The following EOLA2 variants were observed in gnomAD, a reference collection of about 807,000 sequenced individuals.
The protein encoded by EOLA2 is endothelium and lymphocyte associated ASCH domain 2.
Under a neutral mutation model 4.1 loss-of-function variants are expected in EOLA2, and 3 were observed. That is an observed-to-expected ratio of 0.73 (90% CI 0.33 to 1.89). EOLA2 has a LOEUF of 1.89. Ranked by LOEUF, EOLA2 falls within the 40% of genes most tolerant of loss-of-function variation. The pLI, the probability that EOLA2 is intolerant of heterozygous loss-of-function variation, is 0.08. For synonymous variants in EOLA2, 52 were observed against 51.7 expected, an observed-to-expected ratio of 1.01 and a Z score of -0.03; for missense variants, 109 against 126.4, an observed-to-expected ratio of 0.86 and a Z score of 0.66.
intron 2 of EOLA2, chrX:149,934,418 G>C: frequency 1.3e-6 from 1 of 742,113 alleles, no homozygotes. Context: ...CCACATCGTT[G>C]ATATCCAATC....
chrX:149,937,369 C>G, intron 2 of EOLA2, 64 bp downstream of exon 2: 1 of 352,400 alleles, frequency 2.8e-6, no homozygotes. Context: ...CTAGTAGGAA[C>G]TGATGTAACT....
chrX:149,935,044 C>T (rs1261050811), intron 2 of EOLA2, among the ~76,000 whole-genome samples: 12 of 111,976 alleles, frequency 1.1e-4, no homozygotes, highest in Non-Finnish European at 2.1e-4. Flanking sequence ...CGCCCCCTGG[C>T]CCTGAACTCC....
rs1557374730 is a variant in EOLA2, at chrX:149,932,708, C to T, written c.313G>A (p.Val105Met). 8.3e-7 allele frequency: 1 copy of T among 1,207,955 alleles called. No homozygotes were observed. The highest frequency in any genetic ancestry group is 1.8e-5 in the South Asian group (1 of 56,729). Residue 105 changes from valine to methionine, a missense_variant, in exon 5 of 5, where the codon GTG becomes ATG. Val to Met is a conservative substitution (Grantham distance 21). Transcript: ENST00000370406. ...CPEDLTPDEV[V>M]ELENQAALTN... The stretch of plus-strand genomic sequence containing the variant: ...AGTGCAGCTTGATTTTCTAGTTCCA[C>T]AACCTCATCGGGAGTTAAGTCTTCG...
Position 149,932,443 on chromosome X carries a change from T to A in EOLA2, c.*101A>T. 8.5e-7 allele frequency: 1 copy of A among 1,170,946 alleles called. No individual in the cohort carries two copies. The highest frequency in any genetic ancestry group is 2.0e-5 in the South Asian group (1 of 50,634). On this transcript the variant is annotated 3_prime_UTR_variant, in exon 5 of 5. Coordinates refer to ENST00000370406, the MANE Select transcript of EOLA2 (RefSeq NM_001013845.2). Reference sequence around the variant, plus strand: ...GACTCTCCAAAGCAGTGGAAATTCATCTTTAACCTAATTTATACAGGTCTG... The same window carrying A: ...GACTCTCCAAAGCAGTGGAAATTCAACTTTAACCTAATTTATACAGGTCTG...
rs1284389648 is a variant in EOLA2 at position 149,938,206 on chromosome X, C to A, written c.-224G>T. 8.8e-6 allele frequency: 1 copy of A among 113,295 alleles called. No individual in the cohort carries two copies. The highest frequency in any genetic ancestry group is 1.9e-5 in the Non-Finnish European group (1 of 53,378). 9.3% of individuals were successfully genotyped at this position (113,295 alleles called of 1,213,427 possible). A position where few individuals can be genotyped will look rare whatever the true frequency, so the allele number is the denominator to read the frequency against. On this transcript the variant is annotated 5_prime_UTR_variant, in exon 1 of 5. Transcript: ENST00000370406. The stretch of plus-strand genomic sequence containing the variant: ...GGGCCCTGGTACCTTTCAGCCGCGG[C>A]CGGTCTCACGGCCTCTGGACCCTGA...
chrX:149,935,933 C>G lies in EOLA2; in HGVS notation c.-163+1500G>C, dbSNP rs1214433359. Among the ~76,000 whole-genome samples the G allele has an allele frequency of 2.8e-5, 3 of 107,316 alleles. No individual in the cohort carries two copies. The Admixed American group carries it at 3.0e-4, about 11-fold the overall frequency. 93.2% of individuals were successfully genotyped at this position (107,316 alleles called of 115,157 possible). A position where few individuals can be genotyped will look rare whatever the true frequency, so the allele number is the denominator to read the frequency against. On this transcript the variant is annotated intron_variant, in intron 2 of 4. Transcript: ENST00000370406. Reference sequence around the variant, plus strand: ...ACTGAATCTGATCCCTTTCCATAATCTCTATGGCCACAATCCCAATCCAAT... The same window carrying G: ...ACTGAATCTGATCCCTTTCCATAATGTCTATGGCCACAATCCCAATCCAAT...
At chrX:149,929,974 C>T (rs782267218), downstream of EOLA2, 36 of 1,088,245 alleles carry the variant, frequency 3.3e-5, 1 homozygote, top group Middle Eastern at 7.5e-4. Flanking sequence ...CCGTGATCAT[C>T]GACAAGGATC....
rs1557376417 is a variant in EOLA2, at chrX:149,937,447, G to A, written c.-177C>T. 1.4e-6 allele frequency: 1 copy of A among 723,864 alleles called. No individual in the cohort carries two copies. The highest frequency in any genetic ancestry group is 2.3e-5 in the African/African-American group (1 of 42,738). 59.7% of individuals were successfully genotyped at this position (723,864 alleles called of 1,213,427 possible). A position where few individuals can be genotyped will look rare whatever the true frequency, so the allele number is the denominator to read the frequency against. On this transcript the variant is annotated 5_prime_UTR_variant, in exon 2 of 5. Coordinates refer to ENST00000370406, the MANE Select transcript of EOLA2 (RefSeq NM_001013845.2). The stretch of plus-strand genomic sequence containing the variant: ...GCAGAGAGTACCTGCTTTACGGCCA[G>A]AGGAGGAAACACTCTTCCACTTGGT...
chrX:149,937,337 C>G (rs1446716186), intron 2 of EOLA2, 96 bp downstream of exon 2: 1 of 266,412 alleles, frequency 3.8e-6, no homozygotes, highest in Non-Finnish European at 5.1e-6. Context: ...AAAATCACAA[C>G]AACTGTGTGT....
Position 149,938,321 on chromosome X carries a change from G to A in EOLA2, c.-339C>T, listed in dbSNP as rs1476220022. ...CGACCCAGCGAGGCCACCGGAGCCA[G>A]CGAGGAGACGTGGGCCGCGGTGAGA... On this transcript the variant is annotated 5_prime_UTR_variant, in exon 1 of 5. Transcript: ENST00000370406. 2 of 112,955 alleles carry A rather than the reference G, an allele frequency of 1.8e-5. No homozygotes were observed. Among genetic ancestry groups the A allele is most frequent in the South Asian group, 7.2e-4 (2 of 2,777 alleles). The allele number at this position is 112,955 out of a possible 1,213,427, so 9.3% of individuals were successfully genotyped here.
intron 2 of EOLA2, among the ~76,000 whole-genome samples, chrX:149,937,020 G>T (rs1416809007): frequency 2.7e-5 from 3 of 109,988 alleles, no homozygotes; most frequent in Admixed American, 9.7e-5. Flanking sequence ...TGCCTCGGCC[G>T]CCTGGCACGC....
chrX:149,931,933 G>T (rs2090879754), downstream of EOLA2, among the ~76,000 whole-genome samples: 1 of 93,613 alleles, frequency 1.1e-5, no homozygotes, highest in Admixed American at 1.2e-4. Context: ...GCTGTGTGAT[G>T]CAGGTAACAC....
At chrX:149,934,715 C>T (rs1438760446) in intron 2 of EOLA2, 1 of 735,987 alleles carries the variant, frequency 1.4e-6, no homozygotes, top group Non-Finnish European at 1.6e-6. Context: ...TACTGTGAGG[C>T]CCACTCTATG....
At chrX:149,932,155 A>T (rs188461233), downstream of EOLA2, 21 of 737,127 alleles carry the variant, frequency 2.8e-5, no homozygotes, top group Non-Finnish European at 3.1e-5. Flanking sequence ...GACCAGAACA[A>T]ATCAGGGGAA....
At chrX:149,935,744 C>G (rs1433716720) in intron 2 of EOLA2, among the ~76,000 whole-genome samples, 1 of 104,509 alleles carries the variant, frequency 9.6e-6, no homozygotes, top group South Asian at 4.4e-4. Flanking sequence ...CAGGCCCATA[C>G]ATACTCAGGA....
At chrX:149,931,032 T>G, downstream of EOLA2, 2 of 937,905 alleles carry the variant, frequency 2.1e-6, no homozygotes, top group Non-Finnish European at 2.6e-6. Flanking sequence ...TTGTACAATA[T>G]CTGTTACTAC....
chrX:149,932,652 C>T lies in EOLA2; in HGVS notation c.369G>A (p.Val123=). 8.3e-7 allele frequency: 1 copy of T among 1,207,982 alleles called. No individual in the cohort carries two copies. The highest frequency in any genetic ancestry group is 1.1e-6 in the Non-Finnish European group (1 of 894,265). The stretch of plus-strand genomic sequence containing the variant: ...CCAGTAACCACCTGGGGTTTGAAAT[C>T]ACAGTCAGGTACTTCTGCTTCAGGT... ...LTNLKQKYLT[V]ISNPRWLLEP... is the part of the protein sequence containing the mutation. The change falls in exon 5 of 5, where the codon GTG becomes GTA. Residue 123 remains valine (V), a synonymous_variant. Coordinates refer to ENST00000370406, the MANE Select transcript of EOLA2 (RefSeq NM_001013845.2).
At chrX:149,938,144 T>C (rs1426838417) in intron 1 of EOLA2, 49 bp downstream of exon 1, 1 of 113,369 alleles carries the variant, frequency 8.8e-6, no homozygotes, top group Non-Finnish European at 1.9e-5. Flanking sequence ...GCAAGTACCG[T>C]CTGCAAGAGG....
chrX:149,930,908 A>G, downstream of EOLA2: 5 of 905,123 alleles, frequency 5.5e-6, no homozygotes, highest in Non-Finnish European at 6.8e-6. Flanking sequence ...AAATGGCCCA[A>G]GTTGGGAGGG....
Sources: gnomAD v4.1 joint callset for allele counts (sites outside exome capture counted in the v4.1 genomes callset) on GRCh38, gnomAD v4.1.1 for gene constraint, MANE v1.5 for transcripts, NCBI Gene and HGNC (gene_info 2026-07-23, HGNC 2026-07-21) for gene names.